Variants in RYR3 observed in about 807,000 individuals in gnomAD.
RYR3 encodes brain ryanodine receptor-calcium release channel.
RYR3 carries 207 observed loss-of-function variants against 584.3 expected under a neutral mutation model. That is an observed-to-expected ratio of 0.35 (90% CI 0.32 to 0.40). RYR3 has a LOEUF of 0.40. Among genes scored for constraint, RYR3 ranks in the 10% least tolerant of loss-of-function variants. The probability of loss-of-function intolerance (pLI) is 1.00; values close to 1 mark genes in which losing one functional copy is unlikely to be tolerated. For synonymous variants in RYR3, 2,416 were observed against 2,248.5 expected (o/e 1.07, Z -2.11); for missense variants, 5,616 against 6,089.2 (o/e 0.92, Z 2.59).
chr15:33,557,430 G>A (rs977480966), intron 10 of RYR3, among the ~76,000 whole-genome samples: 1 of 152,120 alleles, frequency 6.6e-6, no homozygotes, highest in Non-Finnish European at 1.5e-5. Context: ...CAATTGCCAG[G>A]CTGGAGTGCA....
intron 1 of RYR3, among the ~76,000 whole-genome samples, chr15:33,457,247 G>A (rs142474374): frequency 5.3e-5 from 8 of 152,258 alleles, no homozygotes; most frequent in Middle Eastern, 3.4e-3. Context: ...GTTATTGTGG[G>A]GAGAGAGACC....
At chr15:33,805,605 G>T (rs11856721) in intron 69 of RYR3, among the ~76,000 whole-genome samples, 8,346 of 151,646 alleles carry the variant, frequency 0.055, 427 homozygotes, top group African/African-American at 0.14. Context: ...AGCCTCCCAA[G>T]TAGCTGGGAC....
At chr15:33,854,188 T>C (rs1412065816) in intron 96 of RYR3, among the ~76,000 whole-genome samples, 2 of 63,698 alleles carry the variant, frequency 3.1e-5, no homozygotes, top group African/African-American at 9.6e-5. Context: ...AGAGTGAGAC[T>C]CCGTTTCAAA....
intron 2 of RYR3, among the ~76,000 whole-genome samples, chr15:33,482,507 C>A (rs1300278811): frequency 6.6e-6 from 1 of 152,146 alleles, no homozygotes; most frequent in Non-Finnish European, 1.5e-5. Context: ...GCAACCTCCC[C>A]CTCCCAGGTT....
At chr15:33,678,216 C>T (rs761922755) in intron 38 of RYR3, among the ~76,000 whole-genome samples, 2 of 152,194 alleles carry the variant, frequency 1.3e-5, no homozygotes, top group Non-Finnish European at 2.9e-5. Flanking sequence ...TGTCCCCACA[C>T]AAATCTCATG....
At position 33,854,931 on chromosome 15, in the gene RYR3, C is replaced by G. The variant is rs768516250; in HGVS notation, c.14007+19C>G. ...CAAACAGGTATGGTTTCTACTGATG[C>G]AGAACAGAATGGACCTGTATATGCA... is the stretch of plus-strand genomic sequence containing the variant. On this transcript the variant is annotated intron_variant, in intron 98 of 103. Coordinates refer to ENST00000634891, the MANE Select transcript of RYR3 (RefSeq NM_001036.6). 1.2e-6 allele frequency: 2 copies of G among 1,601,282 alleles called. No individual in the cohort carries two copies. Among genetic ancestry groups the G allele is most frequent in the Non-Finnish European group, 8.5e-7 (1 of 1,174,416 alleles).
rs187843751 is a variant in RYR3, at chr15:33,750,406, T to C, written c.8399+120T>C. On this transcript the variant is annotated intron_variant, in intron 57 of 103. Transcript: ENST00000634891. Reference sequence around the variant, plus strand: ...AATTGAGTCTTTTAAAATGAGAACATTTTTATTTTAGAACATGAAGCCCTC... The same window carrying C: ...AATTGAGTCTTTTAAAATGAGAACACTTTTATTTTAGAACATGAAGCCCTC... 1.2e-4 allele frequency: 125 copies of C among 1,002,166 alleles called. No homozygotes were observed. In the African/African-American group the frequency reaches 1.4e-3, roughly 11 times the overall value. The allele number at this position is 1,002,166 out of a possible 1,614,324, so 62.1% of individuals were successfully genotyped here.
chr15:33,699,819 G>C lies in RYR3; in HGVS notation c.6365G>C (p.Ser2122Thr). 1 of 1,613,720 alleles carries C rather than the reference G, an allele frequency of 6.2e-7. No homozygotes were observed. Among genetic ancestry groups the C allele is most frequent in the South Asian group, 1.1e-5 (1 of 91,034 alleles). ...FEHLSYLLEN[S>T]SVGLASPSMR... ...CATCTGAGTTATCTTCTGGAGAATA[G>C]CAGTGTTGGCCTAGGTGCGTAAGTC... is the stretch of plus-strand genomic sequence containing the variant. The change falls in exon 41 of 104, where the codon AGC becomes ACC. Residue 2122 changes from serine to threonine, a missense_variant. Physicochemically the swap from Ser to Thr is moderately conservative, Grantham distance 58 (BLOSUM62 1). This residue lies in a region of RYR3 where 1,280 missense variants were observed against 1,426.2 expected (regional missense o/e 0.90). Coordinates refer to ENST00000634891, the MANE Select transcript of RYR3 (RefSeq NM_001036.6).
intron 1 of RYR3, among the ~76,000 whole-genome samples, chr15:33,454,069 A>T (rs1434965916): frequency 6.6e-6 from 1 of 152,230 alleles, no homozygotes. Context: ...GTGAGGCTGG[A>T]GGCTATCCTT....
intron 1 of RYR3, among the ~76,000 whole-genome samples, chr15:33,330,158 T>C (rs62013801): frequency 0.073 from 11,165 of 152,226 alleles, 581 homozygotes; most frequent in Middle Eastern, 0.15. Context: ...TAGCTCAAAG[T>C]GGCGGTGCTT....
At chr15:33,647,107 C>A (rs1194830096) in intron 29 of RYR3, among the ~76,000 whole-genome samples, 1 of 152,202 alleles carries the variant, frequency 6.6e-6, no homozygotes, top group Non-Finnish European at 1.5e-5. Flanking sequence ...TTTAAACAAG[C>A]ACAGCTACTT....
At chr15:33,612,798 C>T (rs2060262389) in intron 18 of RYR3, among the ~76,000 whole-genome samples, 1 of 152,346 alleles carries the variant, frequency 6.6e-6, no homozygotes, top group Admixed American at 6.5e-5. Context: ...TAAACAGACA[C>T]ACACACCAGC....
intron 43 of RYR3, among the ~76,000 whole-genome samples, chr15:33,717,504 T>A (rs1156360859): frequency 6.6e-6 from 1 of 152,136 alleles, no homozygotes; most frequent in Non-Finnish European, 1.5e-5. Flanking sequence ...CTAAAAGATA[T>A]CTGAAATCTA....
At chr15:33,514,845 CAAAAAA>C (rs991853416) in intron 3 of RYR3, among the ~76,000 whole-genome samples, 1 of 150,192 alleles carries the variant, frequency 6.7e-6, no homozygotes, top group East Asian at 2.0e-4. Flanking sequence ...ACTAAAAATA[CAAAAAA>C]AAATTAGCCA....
intron 98 of RYR3, 116 bp from the exon 99 acceptor site, chr15:33,857,664 A>AT: frequency 7.5e-7 from 1 of 1,335,994 alleles, no homozygotes; most frequent in Non-Finnish European, 1.0e-6. Context: ...CCCCTTCCCC[A>AT]TTTCCTCTCC....
At chr15:33,752,112 A>T (rs998671018) in intron 57 of RYR3, among the ~76,000 whole-genome samples, 1 of 152,158 alleles carries the variant, frequency 6.6e-6, no homozygotes, top group Non-Finnish European at 1.5e-5. Context: ...TACCAGTACC[A>T]TGCTGTTTTT....
intron 48 of RYR3, among the ~76,000 whole-genome samples, chr15:33,736,024 G>T (rs1296534933): frequency 2.6e-5 from 4 of 152,114 alleles, no homozygotes; most frequent in Non-Finnish European, 5.9e-5. Flanking sequence ...TTCCACTTCG[G>T]GTATCCCAAT....
chr15:33,703,659 G>A (rs1261961249), intron 42 of RYR3, among the ~76,000 whole-genome samples: 3 of 152,204 alleles, frequency 2.0e-5, no homozygotes, highest in African/African-American at 7.2e-5. Flanking sequence ...CATGAAATTT[G>A]CGGGAGACAA....
At chr15:33,801,247 C>T (rs12438127) in intron 68 of RYR3, among the ~76,000 whole-genome samples, 1 of 152,048 alleles carries the variant, frequency 6.6e-6, no homozygotes. Flanking sequence ...AACCTGGAAT[C>T]AATAGAAACG....
Sources: gnomAD v4.1 joint callset for allele counts (sites outside exome capture counted in the v4.1 genomes callset) on GRCh38, gnomAD v4.1.1 for gene constraint, gnomAD v4.1.1 regional missense constraint, MANE v1.5 for transcripts, NCBI Gene and HGNC (gene_info 2026-07-23, HGNC 2026-07-21) for gene names.